BPIFB6: variants seen among roughly 807,000 people sequenced by gnomAD.
BPIFB6 encodes the protein BPI fold-containing family B member 6.
Under a neutral mutation model 54.7 loss-of-function variants are expected in BPIFB6, and 47 were observed. The ratio of observed to expected loss-of-function variants is 0.86; its 90% CI spans 0.68 to 1.10. The LOEUF (loss-of-function observed/expected upper bound fraction) is 1.10, where lower values mean the gene tolerates loss of function less well. BPIFB6 is among the 50% of genes least tolerant of loss of function. BPIFB6 has a pLI of 0.00. For synonymous variants in BPIFB6, 255 were observed against 225.9 expected (o/e 1.13, Z -1.16); for missense variants, 603 against 564.1 (o/e 1.07, Z -0.70).
At chr20:33,039,602 C>G in intron 10 of BPIFB6, 82 bp downstream of exon 10, 5 of 1,404,452 alleles carry the variant, frequency 3.6e-6, no homozygotes, top group Non-Finnish European at 4.9e-6. Context: ...TAGTTGACAG[C>G]CAAGTCATGG....
intron 2 of BPIFB6, 112 bp from the exon 3 acceptor site, chr20:33,034,074 G>A (rs1979218435): frequency 3.9e-6 from 3 of 772,610 alleles, no homozygotes; most frequent in Non-Finnish European, 4.7e-6. Context: ...CCATGACATG[G>A]GATAGGAGGC....
chr20:33,036,666 C>T, intron 7 of BPIFB6, 130 bp downstream of exon 7: 3 of 848,756 alleles, frequency 3.5e-6, no homozygotes, highest in Non-Finnish European at 5.9e-6. Context: ...GCCGTGGAGG[C>T]CAATGCCATG....
intron 13 of BPIFB6, 91 bp downstream of exon 13, chr20:33,042,969 T>A: frequency 1.8e-6 from 2 of 1,129,778 alleles, no homozygotes; most frequent in East Asian, 2.4e-5. Flanking sequence ...GCCCTATCAC[T>A]GGGCCCAGAT....
chr20:33,043,904 G>T, intron 14 of BPIFB6, 111 bp from the exon 15 acceptor site: 1 of 1,367,202 alleles, frequency 7.3e-7, no homozygotes, highest in Non-Finnish European at 1.0e-6. Context: ...TTCAACCTTT[G>T]CTTAACCACC....
At chr20:33,039,564 G>C in intron 10 of BPIFB6, 44 bp downstream of exon 10, 1 of 1,570,566 alleles carries the variant, frequency 6.4e-7, no homozygotes, top group Non-Finnish European at 8.6e-7. Context: ...CAATCTCTTG[G>C]ATATTCAGGG....
rs754691183 is a variant in BPIFB6 at position 33,037,581 on chromosome 20, A to G, written c.689A>G (p.Lys230Arg). The G allele has an allele frequency of 1.2e-6, 2 of 1,611,458 alleles. No homozygotes were observed. The highest frequency in any genetic ancestry group is 1.1e-5 in the South Asian group (1 of 90,926). ...CCATAGCCTGTGGTGCAGCAGCAAA[A>G]GGGCAAAACCATCAAGCTTGCTGAT... Reference protein sequence around the residue: ...LDFSPVVQQQKGKTIKLADAG... With the variant: ...LDFSPVVQQQRGKTIKLADAG... Residue 230 changes from lysine to arginine, a missense_variant, in exon 8 of 15, where the codon AAG (lysine) becomes AGG (arginine). Lys to Arg is a conservative substitution (Grantham distance 26). Transcript: ENST00000349552.
chr20:33,035,968 C>T (rs1426866091), intron 6 of BPIFB6, among the ~76,000 whole-genome samples: 2 of 152,120 alleles, frequency 1.3e-5, no homozygotes. Flanking sequence ...GTAGTAATCC[C>T]GATGGTAGTA....
At chr20:33,040,399 G>A (rs750738252) in intron 11 of BPIFB6, 81 bp downstream of exon 11, 32 of 1,370,154 alleles carry the variant, frequency 2.3e-5, no homozygotes, top group Non-Finnish European at 3.2e-5. Flanking sequence ...ACACTACCGA[G>A]CTGATCCACC....
In BPIFB6 at chr20:33,032,882, C is replaced by T. The variant is rs768613066; in HGVS notation, c.98-102C>T. Reference sequence around the variant, plus strand: ...TGTGGGACTCATCTCTGGGTCTCTGCCATCGTCCAGCCCAGGGTGGGGCAC... The same window carrying T: ...TGTGGGACTCATCTCTGGGTCTCTGTCATCGTCCAGCCCAGGGTGGGGCAC... On this transcript the variant is annotated intron_variant, in intron 1 of 14. Transcript: ENST00000349552. 737 of 878,064 alleles carry T rather than the reference C, an allele frequency of 8.4e-4. 13 individuals are homozygous for T. The highest frequency in any genetic ancestry group is 1.4e-3 in the Middle Eastern group (6 of 4,354). The allele number at this position is 878,064 out of a possible 1,614,324, so 54.4% of individuals were successfully genotyped here.
rs1292134414 is a variant in BPIFB6 at position 33,033,021 on chromosome 20, G to A, written c.135G>A (p.Glu45=). Residue 45 remains glutamate, a synonymous_variant, in exon 2 of 15, where the codon GAG becomes GAA. Coordinates refer to ENST00000349552, the MANE Select transcript of BPIFB6 (RefSeq NM_174897.2). ...CCATGGATGAGAGTCATATCCTGGA[G>A]AAGATGGCAGCCGAGGCAGGCAAGA... ...QSAMDESHIL[E]KMAAEAGKKQ... is the part of the protein sequence containing the mutation. 2 of 1,614,114 alleles carry A rather than the reference G, an allele frequency of 1.2e-6. No individual in the cohort carries two copies. Among genetic ancestry groups the A allele is most frequent in the Non-Finnish European group, 1.7e-6 (2 of 1,179,980 alleles).
chr20:33,037,465 G>T, intron 7 of BPIFB6, 97 bp from the exon 8 acceptor site: 1 of 1,236,122 alleles, frequency 8.1e-7, no homozygotes, highest in Non-Finnish European at 1.1e-6. Flanking sequence ...GCTGACTTTG[G>T]GTTTGGCTGG....
In BPIFB6 at chr20:33,036,493, C is replaced by A; in HGVS notation, c.626C>A (p.Ser209Tyr). The change falls in exon 7 of 15, where the codon TCC (serine) becomes TAC (tyrosine). Residue 209 changes from serine (S) to tyrosine (Y), a missense_variant. Coordinates refer to ENST00000349552, the MANE Select transcript of BPIFB6 (RefSeq NM_174897.2). ...GGCACCGTCAAATATGTTCTGATGTCCGCACCAGCCACCACAGCCAGCTAC... is the reference window on the plus strand; with the variant it reads ...GGCACCGTCAAATATGTTCTGATGTACGCACCAGCCACCACAGCCAGCTAC... Reference protein sequence around the residue: ...QMGTVKYVLMSAPATTASYIQ... With the variant: ...QMGTVKYVLMYAPATTASYIQ... 6.2e-7 allele frequency: 1 copy of A among 1,614,148 alleles called. No homozygotes were observed. The highest frequency in any genetic ancestry group is 8.5e-7 in the Non-Finnish European group (1 of 1,180,016).
rs760488590 is a variant in BPIFB6 at position 33,037,567 on chromosome 20, G to A, written c.675G>A (p.Val225=). ...TCCCTCCTGCTGCCCCATAGCCTGT[G>A]GTGCAGCAGCAAAAGGGCAAAACCA... ...ASYIQLDFSP[V]VQQQKGKTIK... The change falls in exon 8 of 15, where the codon GTG becomes GTA. Residue 225 remains valine (V), a synonymous_variant. Coordinates refer to ENST00000349552, the MANE Select transcript of BPIFB6 (RefSeq NM_174897.2). The A allele has an allele frequency of 1.2e-6, 2 of 1,610,192 alleles. No homozygotes were observed. Among genetic ancestry groups the A allele is most frequent in the Non-Finnish European group, 1.7e-6 (2 of 1,177,320 alleles).
chr20:33,037,583 G>A lies in BPIFB6; in HGVS notation c.691G>A (p.Gly231Ser). The A allele has an allele frequency of 6.2e-7, 1 of 1,612,910 alleles. No individual in the cohort carries two copies. Among genetic ancestry groups the A allele is most frequent in the African/African-American group, 1.3e-5 (1 of 75,006 alleles). Residue 231 changes from glycine (G) to serine (S), a missense_variant, in exon 8 of 15, where the codon GGC becomes AGC. Gly to Ser is a moderately conservative substitution (Grantham distance 56, BLOSUM62 0). Coordinates refer to ENST00000349552, the MANE Select transcript of BPIFB6 (RefSeq NM_174897.2). ...DFSPVVQQQK[G>S]KTIKLADAGE... ...ATAGCCTGTGGTGCAGCAGCAAAAG[G>A]GCAAAACCATCAAGCTTGCTGATGC...
intron 4 of BPIFB6, 47 bp downstream of exon 4, chr20:33,034,959 A>AC (rs748374008): frequency 6.2e-7 from 1 of 1,604,032 alleles, no homozygotes; most frequent in Non-Finnish European, 8.5e-7. Flanking sequence ...ATATTGCTAT[A>AC]CCCCCCAGCA....
At position 33,038,898 on chromosome 20, in the gene BPIFB6, T is replaced by C. The variant is rs1979457096; in HGVS notation, c.847-11T>C. 6.2e-7 allele frequency: 1 copy of C among 1,613,862 alleles called. No homozygotes were observed. Among genetic ancestry groups the C allele is most frequent in the Non-Finnish European group, 8.5e-7 (1 of 1,179,962 alleles). On this transcript the variant is annotated splice_polypyrimidine_tract_variant and intron_variant, in intron 8 of 14. Transcript: ENST00000349552. ...ACTCCAGCAACCCTAACCTTGACTT[T>C]TATTCTGTAGATTGGTGAGCTGCCC...
Position 33,034,924 on chromosome 20 carries a change from T to C in BPIFB6, c.452+12T>C, listed in dbSNP as rs1387331324. On this transcript the variant is annotated intron_variant, in intron 4 of 14. Transcript: ENST00000349552. The stretch of plus-strand genomic sequence containing the variant: ...AACCTGCCTAGCAAGTGAGGGGCTC[T>C]GTGGCTGGGGAGGAAGGCCGGTCCA... 1 of 1,607,402 alleles carries C rather than the reference T, an allele frequency of 6.2e-7. No homozygotes were observed. The highest frequency in any genetic ancestry group is 8.5e-7 in the Non-Finnish European group (1 of 1,174,760).
chr20:33,043,936 C>G, intron 14 of BPIFB6, 79 bp from the exon 15 acceptor site: 1 of 1,550,700 alleles, frequency 6.4e-7, no homozygotes, highest in South Asian at 1.1e-5. Context: ...CATTTCCTGA[C>G]AAGGGGCCCA....
intron 8 of BPIFB6, 101 bp downstream of exon 8, chr20:33,037,839 C>A: frequency 7.6e-7 from 1 of 1,320,762 alleles, no homozygotes; most frequent in Non-Finnish European, 1.1e-6. Flanking sequence ...TTGTGGGCAA[C>A]ACTAGGACTG....
Sources: gnomAD v4.1 joint callset for allele counts (sites outside exome capture counted in the v4.1 genomes callset) on GRCh38, gnomAD v4.1.1 for gene constraint, MANE v1.5 for transcripts, NCBI Gene and HGNC (gene_info 2026-07-23, HGNC 2026-07-21) for gene names.